DLGAP4: variants seen among roughly 807,000 people sequenced by gnomAD.
DLGAP4 encodes DLG associated protein 4.
Under a neutral mutation model 86.9 loss-of-function variants are expected in DLGAP4, and 18 were observed. That is an observed-to-expected ratio of 0.21 (90% CI 0.14 to 0.31). The LOEUF is 0.31. Among genes scored for constraint, DLGAP4 ranks in the 10% least tolerant of loss-of-function variants. The pLI is 1.00. For synonymous variants in DLGAP4, 548 were observed against 574.3 expected (o/e 0.95, Z 0.65); for missense variants, 1,085 against 1,362.6 (o/e 0.80, Z 3.21).
chr20:36,464,310 A>T (rs2034240014), intron 7 of DLGAP4, among the ~76,000 whole-genome samples: 1 of 152,228 alleles, frequency 6.6e-6, no homozygotes, highest in African/African-American at 2.4e-5. Flanking sequence ...CTGTAATCCT[A>T]GCACTTTGGG....
At chr20:36,397,465 G>T (rs1439638550) in intron 2 of DLGAP4, among the ~76,000 whole-genome samples, 2 of 152,172 alleles carry the variant, frequency 1.3e-5, no homozygotes, top group Non-Finnish European at 2.9e-5. Flanking sequence ...TGTGGAAATT[G>T]GCAGGCACTC....
At chr20:36,395,041 C>A (rs182872737) in intron 2 of DLGAP4, among the ~76,000 whole-genome samples, 3 of 152,212 alleles carry the variant, frequency 2.0e-5, no homozygotes, top group Non-Finnish European at 2.9e-5. Context: ...TCCAGCCACA[C>A]CAGCCTCCTT....
intron 2 of DLGAP4, among the ~76,000 whole-genome samples, chr20:36,376,619 G>C (rs1228352517): frequency 6.6e-6 from 1 of 152,196 alleles, no homozygotes; most frequent in Non-Finnish European, 1.5e-5. Context: ...TGCTGCTCAA[G>C]GGGAGAGAGA....
chr20:36,316,041 GC>G (rs1400494081), intron 1 of DLGAP4, among the ~76,000 whole-genome samples: 1 of 152,220 alleles, frequency 6.6e-6, no homozygotes, highest in East Asian at 1.9e-4. Flanking sequence ...CGGGAAGGCA[GC>G]CTCTCATCCT....
At chr20:36,440,820 T>C (rs1385555252) in intron 5 of DLGAP4, among the ~76,000 whole-genome samples, 1 of 150,470 alleles carries the variant, frequency 6.6e-6, no homozygotes, top group African/African-American at 2.5e-5. Context: ...AGTTAGGCAG[T>C]GGGGCGGCCA....
intron 1 of DLGAP4, among the ~76,000 whole-genome samples, chr20:36,342,861 G>C (rs538967615): frequency 1.3e-5 from 2 of 152,220 alleles, no homozygotes; most frequent in Non-Finnish European, 1.5e-5. Flanking sequence ...CAGCAGAGGC[G>C]ACATTTGTGC....
At chr20:36,343,611 T>C (rs1047717596) in intron 1 of DLGAP4, among the ~76,000 whole-genome samples, 2 of 151,666 alleles carry the variant, frequency 1.3e-5, no homozygotes, top group African/African-American at 2.4e-5. Context: ...TTTTTGAGGC[T>C]ACCAGGTACC....
At chr20:36,514,601 A>T (rs1176775111) in intron 10 of DLGAP4, among the ~76,000 whole-genome samples, 2 of 151,976 alleles carry the variant, frequency 1.3e-5, no homozygotes, top group African/African-American at 4.8e-5. Context: ...TTTTATAGAG[A>T]TGCAATCTCG....
At chr20:36,328,071 C>T (rs1037893826) in intron 1 of DLGAP4, among the ~76,000 whole-genome samples, 3 of 151,882 alleles carry the variant, frequency 2.0e-5, no homozygotes, top group Admixed American at 6.5e-5. Flanking sequence ...TGGTGGTACA[C>T]GCCTGTAATC....
In DLGAP4 at chr20:36,480,652, A is replaced by G. The variant is rs897633533; in HGVS notation, c.1649-16053A>G. On this transcript the variant is annotated intron_variant, in intron 7 of 12. Transcript: ENST00000339266. ...CTTGAGCCCAGGAAGTTGAAGCTAC[A>G]GTGAACTATGATCACACCCTGTACT... is the stretch of plus-strand genomic sequence containing the variant. Among the ~76,000 whole-genome samples, 12 of 152,290 alleles carry G rather than the reference A, an allele frequency of 7.9e-5. No individual in the cohort carries two copies. The South Asian group carries it at 1.5e-3, about 18-fold the overall frequency.
At chr20:36,359,501 T>C (rs2030443821) in intron 1 of DLGAP4, among the ~76,000 whole-genome samples, 1 of 152,154 alleles carries the variant, frequency 6.6e-6, no homozygotes, top group Non-Finnish European at 1.5e-5. Flanking sequence ...TTCTGAGACT[T>C]AGGGAGAGAT....
chr20:36,338,775 G>A lies in DLGAP4; in HGVS notation c.-303-28270G>A, dbSNP rs575433940. ...GTGCCACACAGTGAAAGGTCCCAACGCAGTCGGGGCTGGGAGGTCCTCCCT... is the reference window on the plus strand; with the variant it reads ...GTGCCACACAGTGAAAGGTCCCAACACAGTCGGGGCTGGGAGGTCCTCCCT... On this transcript the variant is annotated intron_variant, in intron 1 of 12. Transcript: ENST00000339266. Among the ~76,000 whole-genome samples, 6 of 152,350 alleles carry A rather than the reference G, an allele frequency of 3.9e-5. No individual in the cohort carries two copies. The South Asian group carries it at 1.2e-3, about 32-fold the overall frequency.
At chr20:36,369,643 G>A (rs1286788345) in intron 2 of DLGAP4, among the ~76,000 whole-genome samples, 2 of 152,206 alleles carry the variant, frequency 1.3e-5, no homozygotes, top group Non-Finnish European at 2.9e-5. Context: ...CCTTGGTGGA[G>A]AAAAGAACAT....
intron 11 of DLGAP4, among the ~76,000 whole-genome samples, chr20:36,525,343 A>G (rs971136333): frequency 6.7e-6 from 1 of 149,404 alleles, no homozygotes; most frequent in Non-Finnish European, 1.5e-5. Flanking sequence ...GGTCAAAAGC[A>G]AAGTCCTGGG....
chr20:36,498,643 C>T (rs1229899022), intron 8 of DLGAP4: 3 of 152,600 alleles, frequency 2.0e-5, no homozygotes, highest in African/African-American at 7.2e-5. Context: ...GTGGCTGCAT[C>T]CCTGTCCCAG....
intron 2 of DLGAP4, among the ~76,000 whole-genome samples, chr20:36,427,995 T>C (rs898460652): frequency 2.0e-5 from 3 of 152,032 alleles, no homozygotes; most frequent in African/African-American, 7.2e-5. Context: ...CAATCCATAA[T>C]ATGCAGCTAA....
In DLGAP4 at chr20:36,431,008, C is replaced by G. The variant is rs888703834; in HGVS notation, c.-72-638C>G. On this transcript the variant is annotated intron_variant, in intron 2 of 12. Transcript: ENST00000339266. The surrounding 1 kb of genome is among the most constrained non-coding windows in gnomAD (Gnocchi z 5.1). ...TGGCCCTCTAAAAGTCCATGTTTTT[C>G]CCCATAAGGCAAGGAGAGTTCAGGA... Among the ~76,000 whole-genome samples, 4 of 151,748 alleles carry G rather than the reference C, an allele frequency of 2.6e-5. No individual in the cohort carries two copies. The East Asian group carries it at 7.7e-4, about 29-fold the overall frequency.
chr20:36,445,074 G>C (rs752426780), intron 6 of DLGAP4, among the ~76,000 whole-genome samples: 1 of 152,108 alleles, frequency 6.6e-6, no homozygotes, highest in African/African-American at 2.4e-5. Flanking sequence ...GGGACTTGAG[G>C]TGCATGCTAC....
intron 7 of DLGAP4, among the ~76,000 whole-genome samples, chr20:36,488,390 GAGGATTCAGTCAGCTAA>G (rs1396432841): frequency 2.1e-4 from 32 of 152,072 alleles, no homozygotes; most frequent in Non-Finnish European, 4.4e-5. Context: ...TACTGGTTTT[GAGGATTCAGTCAGCTAA>G]AGGATAGCTA....
Sources: allele counts gnomAD v4.1 joint callset (sites outside exome capture counted in the v4.1 genomes callset), GRCh38; gene constraint gnomAD v4.1.1; non-coding constraint Gnocchi (gnomAD v3.1); transcripts MANE v1.5; gene names NCBI Gene and HGNC (gene_info 2026-07-23, HGNC 2026-07-21).